The following THBS4 variants were observed in gnomAD, a reference collection of about 807,000 sequenced individuals.
The protein encoded by THBS4 is thrombospondin 4.
THBS4 carries 90 observed loss-of-function variants against 115.7 expected under a neutral mutation model. That is an observed-to-expected ratio of 0.78 (90% CI 0.66 to 0.93). The LOEUF is 0.93. THBS4 is among the 40% of genes least tolerant of loss of function. The pLI is 0.00. For missense variants in THBS4, 1,087 were observed against 1,232.7 expected (o/e 0.88, Z 1.77); for synonymous variants, 460 against 479.3 (o/e 0.96, Z 0.53).
In THBS4 at chr5:80,079,081, A is replaced by G. The variant is rs1331333889; in HGVS notation, c.2334A>G (p.Gly778=). 6.2e-7 allele frequency: 1 copy of G among 1,613,542 alleles called. No individual in the cohort carries two copies. The highest frequency in any genetic ancestry group is 1.7e-5 in the Admixed American group (1 of 59,986). ...GLAVGYTAFN[G]VDFEGTFHVN... is the part of the protein sequence containing the mutation. ...CTACAGGGTACACAGCTTTTAATGG[A>G]GTTGACTTCGAAGGGACCTTCCATG... The change falls in exon 19 of 22, where the codon GGA becomes GGG. Residue 778 remains glycine, a synonymous_variant. Coordinates refer to ENST00000350881, the MANE Select transcript of THBS4 (RefSeq NM_003248.6).
intron 1 of THBS4, among the ~76,000 whole-genome samples, chr5:79,991,811 C>T (rs1831679666): frequency 6.6e-6 from 1 of 152,206 alleles, no homozygotes; most frequent in Non-Finnish European, 1.5e-5. Context: ...TATGCAGCTG[C>T]TCCCTCAAAA....
At chr5:80,062,994 T>C (rs978965647) in intron 8 of THBS4, among the ~76,000 whole-genome samples, 8 of 152,238 alleles carry the variant, frequency 5.3e-5, no homozygotes, top group African/African-American at 9.6e-5. Flanking sequence ...ACAATAAATA[T>C]ACGTGTCCAT....
At chr5:80,003,059 G>T (rs1831937078) in intron 2 of THBS4, among the ~76,000 whole-genome samples, 1 of 152,096 alleles carries the variant, frequency 6.6e-6, no homozygotes, top group African/African-American at 2.4e-5. Context: ...ATTATGATCT[G>T]TTACAGGTGA....
At chr5:80,014,637 A>G (rs1289680941) in intron 2 of THBS4, among the ~76,000 whole-genome samples, 1 of 152,218 alleles carries the variant, frequency 6.6e-6, no homozygotes, top group Non-Finnish European at 1.5e-5. Flanking sequence ...ATTTATGACC[A>G]TGTGTGGGTT....
At chr5:79,992,860 A>G (rs1214491061) in intron 1 of THBS4, among the ~76,000 whole-genome samples, 1 of 152,258 alleles carries the variant, frequency 6.6e-6, no homozygotes, top group Admixed American at 6.5e-5. Context: ...AGTCTTCAGT[A>G]TAAAGAAAGT....
chr5:80,010,764 C>T (rs115419352), intron 2 of THBS4, among the ~76,000 whole-genome samples: 215 of 152,322 alleles, frequency 1.4e-3, no homozygotes, highest in African/African-American at 4.8e-3. Flanking sequence ...CAAATTGATA[C>T]GGGGCGTTGA....
At chr5:80,022,700 T>C (rs1483589538) in intron 2 of THBS4, among the ~76,000 whole-genome samples, 2 of 152,214 alleles carry the variant, frequency 1.3e-5, no homozygotes, top group South Asian at 2.1e-4. Context: ...AAAAAAAGTA[T>C]GAAGATAGGC....
intron 2 of THBS4, among the ~76,000 whole-genome samples, chr5:80,005,723 T>C (rs1388256791): frequency 6.6e-6 from 1 of 151,788 alleles, no homozygotes; most frequent in African/African-American, 2.4e-5. Context: ...GAGATGTTTA[T>C]AACCTGGAAC....
chr5:80,079,056 C>A lies in THBS4; in HGVS notation c.2315-6C>A, dbSNP rs777057227. On this transcript the variant is annotated splice_polypyrimidine_tract_variant and splice_region_variant and intron_variant, in intron 18 of 21. Coordinates refer to ENST00000350881, the MANE Select transcript of THBS4 (RefSeq NM_003248.6). ...CTATTGTTCTAATCTTATCTGGTCC[C>A]TACAGGGTACACAGCTTTTAATGGA... 2 of 1,613,018 alleles carry A rather than the reference C, an allele frequency of 1.2e-6. No individual in the cohort carries two copies. The highest frequency in any genetic ancestry group is 1.7e-6 in the Non-Finnish European group (2 of 1,179,232).
intron 8 of THBS4, among the ~76,000 whole-genome samples, chr5:80,063,912 G>C (rs1833723183): frequency 6.6e-6 from 1 of 152,350 alleles, no homozygotes; most frequent in Non-Finnish European, 1.5e-5. Flanking sequence ...AGCCAGAACT[G>C]TGACTAGAGC....
At chr5:80,010,092 C>A (rs979076747) in intron 2 of THBS4, among the ~76,000 whole-genome samples, 1 of 152,166 alleles carries the variant, frequency 6.6e-6, no homozygotes, top group Non-Finnish European at 1.5e-5. Flanking sequence ...ATGATTGGAC[C>A]ACTGCACTGA....
At chr5:80,036,386 G>A (rs900236369) in intron 1 of THBS4, among the ~76,000 whole-genome samples, 2 of 152,148 alleles carry the variant, frequency 1.3e-5, no homozygotes, top group African/African-American at 4.8e-5. Flanking sequence ...AAGTAGGGGG[G>A]AAGGTTGGGA....
intron 2 of THBS4, among the ~76,000 whole-genome samples, chr5:80,007,699 G>T (rs1832045979): frequency 1.3e-5 from 2 of 152,230 alleles, no homozygotes; most frequent in African/African-American, 4.8e-5. Flanking sequence ...ATCATTGAGA[G>T]ACTAGGTATA....
At chr5:80,076,711 TA>T in intron 15 of THBS4, 143 bp from the exon 16 acceptor site, 2 of 751,746 alleles carry the variant, frequency 2.7e-6, no homozygotes, top group Non-Finnish European at 4.0e-6. Context: ...CAGCCTTATC[TA>T]AGGGAATGAC....
chr5:80,035,561 C>G lies in THBS4; in HGVS notation c.24C>G (p.Ala8=), dbSNP rs953398901. 2.2e-5 allele frequency: 31 copies of G among 1,424,606 alleles called. No individual in the cohort carries two copies. Among genetic ancestry groups the G allele is most frequent in the Non-Finnish European group, 2.8e-5 (31 of 1,088,638 alleles). 88.2% of individuals were successfully genotyped at this position (1,424,606 alleles called of 1,614,324 possible). ...ACATGCTGGCCCCGCGCGGAGCCGCCGTCCTCCTGCTGCACCTGGTCCTGC... is the reference window on the plus strand; with the variant it reads ...ACATGCTGGCCCCGCGCGGAGCCGCGGTCCTCCTGCTGCACCTGGTCCTGC... The part of the protein sequence containing the change: MLAPRGA[A]VLLLHLVLQR... Residue 8 remains alanine, a synonymous_variant, in exon 1 of 22, where the codon GCC becomes GCG. Transcript: ENST00000350881. The surrounding 1 kb of genome is among the most constrained non-coding windows in gnomAD (Gnocchi z 4.6).
At chr5:80,082,196 G>C in intron 20 of THBS4, 4 of 430,962 alleles carry the variant, frequency 9.3e-6, no homozygotes, top group Non-Finnish European at 1.2e-5. Flanking sequence ...ACACACACAC[G>C]GACACACACG....
chr5:80,046,166 C>A (rs12332694), intron 2 of THBS4, among the ~76,000 whole-genome samples: 41,511 of 152,072 alleles, frequency 0.27, 6,132 homozygotes, highest in Middle Eastern at 0.38. Flanking sequence ...AGAGGTAAGT[C>A]ATAGATGGCT....
chr5:80,067,981 C>A lies in THBS4; in HGVS notation c.1203C>A (p.Tyr401Ter). ...ATCTTTGTTCCTTGCAGGGATCTTA[C>A]CGCTGTGGGCCTTGTAAGCCGGGGT... ...NSICVNTLGS[Y>*]RCGPCKPGYT... The change falls in exon 10 of 22, where the codon TAC (tyrosine) becomes TAA (stop). Residue 401 changes from tyrosine (Y) to a stop codon, truncating the protein, a stop_gained. Transcript: ENST00000350881. LOFTEE classifies it high-confidence loss of function. The A allele has an allele frequency of 1.2e-6, 2 of 1,613,990 alleles. No homozygotes were observed. Among genetic ancestry groups the A allele is most frequent in the Non-Finnish European group, 8.5e-7 (1 of 1,179,980 alleles).
intron 15 of THBS4, chr5:80,075,085 C>T (rs1176624018): frequency 3.9e-5 from 6 of 152,184 alleles, no homozygotes; most frequent in Admixed American, 1.3e-4. Context: ...CTCTAGATTA[C>T]TTAATACCTA....
Sources: allele counts gnomAD v4.1 joint callset (sites outside exome capture counted in the v4.1 genomes callset), GRCh38; gene constraint gnomAD v4.1.1; non-coding constraint Gnocchi (gnomAD v3.1); transcripts MANE v1.5; gene names NCBI Gene and HGNC (gene_info 2026-07-23, HGNC 2026-07-21).